Variants in PTGER3 observed in about 807,000 individuals in gnomAD.
PTGER3 encodes prostaglandin E2 receptor EP3 subtype.
A neutral mutation model predicts 34.7 loss-of-function variants in PTGER3; 22 were observed. The ratio of observed to expected loss-of-function variants is 0.63; its 90% CI spans 0.45 to 0.91. The LOEUF (loss-of-function observed/expected upper bound fraction) is 0.91, where lower values mean the gene tolerates loss of function less well. Among genes scored for constraint, PTGER3 ranks in the 40% least tolerant of loss-of-function variants. The probability of loss-of-function intolerance (pLI) is 0.00; values close to 1 mark genes in which losing one functional copy is unlikely to be tolerated. For synonymous variants in PTGER3, 241 were observed against 230.1 expected (o/e 1.05, Z -0.43); for missense variants, 468 against 519.4 (o/e 0.90, Z 0.96).
chr1:70,880,223 T>C (rs1572532921), intron 4 of PTGER3, among the ~76,000 whole-genome samples: 3 of 152,194 alleles, frequency 2.0e-5, no homozygotes, highest in Admixed American at 6.5e-5. Context: ...TGGTGGCTGG[T>C]AACAGTCTTT....
At chr1:70,871,937 T>C (rs1384671951) in intron 4 of PTGER3, among the ~76,000 whole-genome samples, 1 of 152,190 alleles carries the variant, frequency 6.6e-6, no homozygotes, top group Non-Finnish European at 1.5e-5. Flanking sequence ...GAAGTCTATC[T>C]GTCAGATTAA....
chr1:70,924,746 G>T (rs961898057), intron 4 of PTGER3, among the ~76,000 whole-genome samples: 1 of 152,048 alleles, frequency 6.6e-6, no homozygotes, highest in African/African-American at 2.4e-5. Context: ...AAATTAAATG[G>T]CTGCTCTGTC....
intron 4 of PTGER3, among the ~76,000 whole-genome samples, chr1:70,879,973 G>C (rs186235244): frequency 6.6e-6 from 1 of 152,034 alleles, no homozygotes; most frequent in African/African-American, 2.4e-5. Flanking sequence ...CGTACCTGCA[G>C]TCCCAGCTAC....
chr1:71,041,675 T>C (rs1009527415), intron 1 of PTGER3, among the ~76,000 whole-genome samples: 3 of 152,198 alleles, frequency 2.0e-5, no homozygotes, highest in African/African-American at 4.8e-5. Flanking sequence ...GGAGTTGAAA[T>C]ACAAACTTCC....
intron 2 of PTGER3, among the ~76,000 whole-genome samples, chr1:70,976,068 T>C (rs1488818708): frequency 6.6e-6 from 1 of 151,912 alleles, no homozygotes; most frequent in Non-Finnish European, 1.5e-5. Context: ...ACTACAGCTG[T>C]AGGAATTTCG....
chr1:71,014,360 C>T (rs947921707), intron 1 of PTGER3, among the ~76,000 whole-genome samples: 3 of 152,170 alleles, frequency 2.0e-5, no homozygotes, highest in African/African-American at 7.2e-5. Flanking sequence ...TTTCCTCATC[C>T]TCTGCAATGC....
intron 1 of PTGER3, among the ~76,000 whole-genome samples, chr1:71,042,970 T>C (rs959484257): frequency 2.0e-5 from 3 of 152,234 alleles, no homozygotes; most frequent in African/African-American, 7.2e-5. Flanking sequence ...ATGATGTTCA[T>C]AGCTGGCTTT....
chr1:70,939,555 C>T (rs567685718), intron 4 of PTGER3, among the ~76,000 whole-genome samples: 42 of 152,350 alleles, frequency 2.8e-4, no homozygotes, highest in Non-Finnish European at 4.8e-4. Context: ...CCTGGGCATC[C>T]GGGATTTCTG....
intron 2 of PTGER3, chr1:71,008,756 C>T: frequency 1.0e-6 from 1 of 966,962 alleles, no homozygotes; most frequent in Non-Finnish European, 1.2e-6. Context: ...ATAAAACAAG[C>T]AATAAACAAG....
chr1:70,956,856 G>T (rs186728584), intron 2 of PTGER3, among the ~76,000 whole-genome samples: 4 of 152,240 alleles, frequency 2.6e-5, no homozygotes, highest in Admixed American at 2.6e-4. Flanking sequence ...TTAGCCAGGT[G>T]AGGTGGCCCA....
chr1:71,008,841 AG>A, intron 2 of PTGER3: 2 of 960,024 alleles, frequency 2.1e-6, no homozygotes, highest in Non-Finnish European at 2.5e-6. Flanking sequence ...TAATTCTTCA[AG>A]TTAGGCTTTT....
intron 2 of PTGER3, among the ~76,000 whole-genome samples, chr1:70,960,899 A>T (rs1470056722): frequency 6.6e-6 from 1 of 152,178 alleles, no homozygotes; most frequent in African/African-American, 2.4e-5. Context: ...TCTGGGCCAC[A>T]TTTGACAAAT....
chr1:71,045,864 T>A (rs987347574), intron 1 of PTGER3, among the ~76,000 whole-genome samples: 4 of 151,926 alleles, frequency 2.6e-5, no homozygotes, highest in African/African-American at 9.7e-5. Context: ...TATCTTTCAT[T>A]CTCCTGCCTC....
chr1:71,034,304 T>C (rs1002427026), intron 1 of PTGER3, among the ~76,000 whole-genome samples: 3 of 152,194 alleles, frequency 2.0e-5, no homozygotes, highest in African/African-American at 7.2e-5. Context: ...ATGTGTTCCT[T>C]TTGTCATTTA....
intron 2 of PTGER3, among the ~76,000 whole-genome samples, chr1:70,979,304 GAAAA>G (rs33963138): frequency 7.1e-6 from 1 of 141,122 alleles, no homozygotes; most frequent in African/African-American, 2.6e-5. Context: ...TTTTATAGGT[GAAAA>G]AAAAAAAAGC....
chr1:70,909,165 T>C (rs1647010720), intron 4 of PTGER3, among the ~76,000 whole-genome samples: 1 of 152,210 alleles, frequency 6.6e-6, no homozygotes, highest in African/African-American at 2.4e-5. Flanking sequence ...ATAAAGCTTA[T>C]GTACTAATAT....
At chr1:70,900,535 A>G (rs1330793849) in intron 4 of PTGER3, among the ~76,000 whole-genome samples, 1 of 138,002 alleles carries the variant, frequency 7.2e-6, no homozygotes, top group Non-Finnish European at 1.6e-5. Context: ...ATATTAATAT[A>G]CAAATGATGA....
At chr1:71,036,640 A>G (rs1021571137) in intron 1 of PTGER3, among the ~76,000 whole-genome samples, 25 of 152,160 alleles carry the variant, frequency 1.6e-4, no homozygotes, top group African/African-American at 3.4e-4. Context: ...GGAGATCGAG[A>G]CCATCCTGGC....
At chr1:70,942,022 A>G (rs929248677) in intron 4 of PTGER3, among the ~76,000 whole-genome samples, 1 of 152,146 alleles carries the variant, frequency 6.6e-6, no homozygotes, top group African/African-American at 2.4e-5. Flanking sequence ...TCTTTTCATA[A>G]TAATAGAATT....
Sources: gnomAD v4.1 joint callset for allele counts (sites outside exome capture counted in the v4.1 genomes callset) on GRCh38, gnomAD v4.1.1 for gene constraint, MANE v1.5 for transcripts, NCBI Gene and HGNC (gene_info 2026-07-23, HGNC 2026-07-21) for gene names.